Variants in CAMKMT observed in about 807,000 individuals in gnomAD.
CAMKMT encodes CaM KMT.
CAMKMT carries 53 observed loss-of-function variants against 48.0 expected under a neutral mutation model. The ratio of observed to expected loss-of-function variants is 1.10; its 90% CI spans 0.89 to 1.39. The LOEUF is 1.39. CAMKMT is among the 40% of genes most tolerant of loss of function. The pLI, the probability that CAMKMT is intolerant of heterozygous loss-of-function variation, is 0.00. For synonymous variants in CAMKMT, 165 were observed against 152.3 expected (o/e 1.08, Z -0.61); for missense variants, 428 against 402.7 (o/e 1.06, Z -0.54).
intron 3 of CAMKMT, among the ~76,000 whole-genome samples, chr2:44,542,683 A>AAG (rs1216808548): frequency 2.0e-5 from 3 of 152,166 alleles, no homozygotes; most frequent in Non-Finnish European, 4.4e-5. Flanking sequence ...AGAAAGAAGG[A>AAG]AGAGGGAGAG....
intron 2 of CAMKMT, among the ~76,000 whole-genome samples, chr2:44,388,735 A>C (rs1681023389): frequency 6.6e-6 from 1 of 151,956 alleles, no homozygotes; most frequent in Admixed American, 6.6e-5. Context: ...TTTCCTATGG[A>C]TGTGGCTTCC....
At chr2:44,595,831 G>A (rs1670619288) in intron 3 of CAMKMT, among the ~76,000 whole-genome samples, 1 of 152,146 alleles carries the variant, frequency 6.6e-6, no homozygotes, top group African/African-American at 2.4e-5. Flanking sequence ...CATGTCCTTT[G>A]CAGGGACATG....
intron 3 of CAMKMT, among the ~76,000 whole-genome samples, chr2:44,669,813 T>C (rs1675226965): frequency 6.6e-6 from 1 of 152,000 alleles, no homozygotes; most frequent in Non-Finnish European, 1.5e-5. Flanking sequence ...AATTTTTGTA[T>C]TTTTTGTAGA....
At chr2:44,701,265 A>G (rs184164540) in intron 3 of CAMKMT, among the ~76,000 whole-genome samples, 45 of 152,310 alleles carry the variant, frequency 3.0e-4, no homozygotes, top group Admixed American at 2.9e-3. Context: ...CAGGGTTCCA[A>G]TTTCTCCACA....
chr2:44,669,295 G>A (rs1009680090), intron 3 of CAMKMT, among the ~76,000 whole-genome samples: 23 of 152,080 alleles, frequency 1.5e-4, no homozygotes, highest in Admixed American at 2.6e-4. Context: ...ATATTCTACT[G>A]TATGATATTA....
intron 10 of CAMKMT, 126 bp from the exon 11 acceptor site, chr2:44,771,910 G>T: frequency 1.1e-5 from 7 of 622,702 alleles, no homozygotes; most frequent in Non-Finnish European, 1.9e-5. Flanking sequence ...TTGCTTTTCT[G>T]TGATTTATTT....
At chr2:44,587,066 T>C (rs190418279) in intron 3 of CAMKMT, among the ~76,000 whole-genome samples, 7 of 152,360 alleles carry the variant, frequency 4.6e-5, no homozygotes, top group Admixed American at 3.3e-4. Context: ...ATTTGTCATC[T>C]ATGTATCTTC....
chr2:44,569,430 T>C (rs1427495213), intron 3 of CAMKMT, among the ~76,000 whole-genome samples: 1 of 152,182 alleles, frequency 6.6e-6, no homozygotes, highest in Admixed American at 6.5e-5. Flanking sequence ...AATCATTTTC[T>C]TTTTTTATTT....
intron 3 of CAMKMT, among the ~76,000 whole-genome samples, chr2:44,479,761 A>G (rs1387478555): frequency 6.6e-6 from 1 of 152,244 alleles, no homozygotes. Context: ...TGAGAAAATT[A>G]CCATTAATGT....
intron 3 of CAMKMT, among the ~76,000 whole-genome samples, chr2:44,447,431 C>G (rs1193640222): frequency 1.3e-5 from 2 of 152,154 alleles, no homozygotes; most frequent in African/African-American, 4.8e-5. Context: ...GATTTAATTG[C>G]CATGTTGATA....
intron 3 of CAMKMT, among the ~76,000 whole-genome samples, chr2:44,601,835 G>C (rs1671010625): frequency 6.6e-6 from 1 of 151,770 alleles, no homozygotes; most frequent in Non-Finnish European, 1.5e-5. Flanking sequence ...GGACAGTTTG[G>C]AAAACACAAA....
chr2:44,722,176 CT>C (rs11323950), intron 7 of CAMKMT, among the ~76,000 whole-genome samples: 84,024 of 115,590 alleles, frequency 0.73, 28,169 homozygotes, highest in East Asian at 0.84. Context: ...TTTCTTTTTT[CT>C]TTTTTTTTTT....
intron 3 of CAMKMT, among the ~76,000 whole-genome samples, chr2:44,483,319 T>C (rs774048581): frequency 6.6e-6 from 1 of 152,216 alleles, no homozygotes; most frequent in Non-Finnish European, 1.5e-5. Flanking sequence ...TAGTTACTCA[T>C]GAATTCAACC....
intron 3 of CAMKMT, among the ~76,000 whole-genome samples, chr2:44,411,156 T>C (rs1004529775): frequency 6.6e-6 from 1 of 152,186 alleles, no homozygotes; most frequent in Non-Finnish European, 1.5e-5. Context: ...CAAATGTAAT[T>C]TGCGGTCTTT....
At chr2:44,412,628 G>A (rs1683289693) in intron 3 of CAMKMT, among the ~76,000 whole-genome samples, 1 of 152,026 alleles carries the variant, frequency 6.6e-6, no homozygotes, top group Non-Finnish European at 1.5e-5. Context: ...GAGCCACTGG[G>A]CCCAGCCAGG....
intron 3 of CAMKMT, among the ~76,000 whole-genome samples, chr2:44,568,612 C>T (rs1196491202): frequency 6.6e-6 from 1 of 152,032 alleles, no homozygotes; most frequent in Non-Finnish European, 1.5e-5. Context: ...CTAAAAAGGC[C>T]ACCCTGGCTG....
chr2:44,695,501 G>C (rs979741002), intron 3 of CAMKMT, among the ~76,000 whole-genome samples: 2 of 152,174 alleles, frequency 1.3e-5, no homozygotes, highest in Non-Finnish European at 2.9e-5. Flanking sequence ...CTCTGGAAGA[G>C]ATAAGAATAT....
chr2:44,679,730 T>C (rs1675912304), intron 3 of CAMKMT, among the ~76,000 whole-genome samples: 1 of 152,250 alleles, frequency 6.6e-6, no homozygotes, highest in Admixed American at 6.5e-5. Flanking sequence ...GCTATTTCAG[T>C]ACCAATTTAG....
At chr2:44,408,614 A>T (rs1241696601) in intron 3 of CAMKMT, among the ~76,000 whole-genome samples, 1 of 152,176 alleles carries the variant, frequency 6.6e-6, no homozygotes, top group Non-Finnish European at 1.5e-5. Context: ...ACTTTGAATA[A>T]GGTTAGTATA....
Sources: gnomAD v4.1 joint callset for allele counts (sites outside exome capture counted in the v4.1 genomes callset) on GRCh38, gnomAD v4.1.1 for gene constraint, MANE v1.5 for transcripts, NCBI Gene and HGNC (gene_info 2026-07-23, HGNC 2026-07-21) for gene names.